The following CDR2 variants were observed in gnomAD, a reference collection of about 807,000 sequenced individuals.
CDR2 encodes cerebellar degeneration-related protein 2.
Under a neutral mutation model 48.4 loss-of-function variants are expected in CDR2, and 34 were observed. The observed-to-expected ratio is 0.70, with a 90% CI of 0.53 to 0.94. The LOEUF (loss-of-function observed/expected upper bound fraction) is 0.94, where lower values mean the gene tolerates loss of function less well. CDR2 is among the 40% of genes least tolerant of loss of function. The pLI is 0.00. For missense variants in CDR2, 498 were observed against 549.5 expected, an observed-to-expected ratio of 0.91 and a Z score of 0.94; for synonymous variants, 240 against 219.7, an observed-to-expected ratio of 1.09 and a Z score of -0.82.
intron 1 of CDR2, among the ~76,000 whole-genome samples, chr16:22,367,991 C>A (rs2049053804): frequency 6.6e-6 from 1 of 151,994 alleles, no homozygotes; most frequent in Admixed American, 6.6e-5. Context: ...GGAGGGTGAA[C>A]CAGATGGACT....
In CDR2 at chr16:22,364,987, T is replaced by C; in HGVS notation, c.107A>G (p.Lys36Arg). ...QDLQLAAELG[K>R]TLLDRNTELE... is the part of the protein sequence containing the mutation. ...CTCTGTGTTCCGATCCAGTAATGTCTTCCCAAGCTCAGCAGCAAGTTGAAG... is the reference window on the plus strand; with the variant it reads ...CTCTGTGTTCCGATCCAGTAATGTCCTCCCAAGCTCAGCAGCAAGTTGAAG... The change falls in exon 2 of 5, where the codon AAG becomes AGG. Residue 36 changes from lysine to arginine, a missense_variant. Coordinates refer to ENST00000268383, the MANE Select transcript of CDR2 (RefSeq NM_001802.2). The C allele has an allele frequency of 6.2e-7, 1 of 1,612,972 alleles. No individual in the cohort carries two copies. The highest frequency in any genetic ancestry group is 1.1e-5 in the South Asian group (1 of 91,066).
intron 2 of CDR2, among the ~76,000 whole-genome samples, chr16:22,358,747 G>C (rs772529536): frequency 2.6e-5 from 4 of 152,122 alleles, no homozygotes; most frequent in Admixed American, 2.6e-4. Context: ...TTCCCCTGAT[G>C]AAATATATTT....
At position 22,373,853 on chromosome 16, in the gene CDR2, G is replaced by T. The variant is rs375540018; in HGVS notation, c.79+378C>A. On this transcript the variant is annotated intron_variant, in intron 1 of 4. Transcript: ENST00000268383. ...GCCATGAAAGGCGCTGGGCTAGACA[G>T]CCTGCGACGGGGCGGCTTCTCGGGC... Among the ~76,000 whole-genome samples the T allele has an allele frequency of 9.5e-4, 145 of 152,370 alleles. 2 individuals carry two copies. In the South Asian group the frequency reaches 0.029, roughly 30 times the overall value.
At chr16:22,366,716 CAAGAGTTTGGCCTTTACTCCAAATG>C (rs1318317246) in intron 1 of CDR2, among the ~76,000 whole-genome samples, 18 of 152,062 alleles carry the variant, frequency 1.2e-4, no homozygotes, top group Admixed American at 2.6e-4. Flanking sequence ...CTAAAGAGGT[CAAGAGTTTGGCCTTTACTCCAAATG>C]AAGGAATCCA....
intron 4 of CDR2, among the ~76,000 whole-genome samples, chr16:22,348,972 G>C (rs1448435641): frequency 6.6e-6 from 1 of 152,082 alleles, no homozygotes; most frequent in Non-Finnish European, 1.5e-5. Context: ...TGTTTTACCA[G>C]TATTTCTGTT....
At chr16:22,350,760 T>G (rs2048936673) in intron 2 of CDR2, among the ~76,000 whole-genome samples, 2 of 152,144 alleles carry the variant, frequency 1.3e-5, no homozygotes, top group Non-Finnish European at 2.9e-5. Flanking sequence ...AAAATTAATA[T>G]TCAACTAAAA....
chr16:22,347,461 AG>A lies in CDR2; in HGVS notation c.868del (p.Leu290CysfsTer7). The A allele has an allele frequency of 6.2e-7, 1 of 1,614,070 alleles. No homozygotes were observed. The highest frequency in any genetic ancestry group is 8.5e-7 in the Non-Finnish European group (1 of 1,179,982). ...CACAGTCAGGAACATCTCTTCCAGC[AG>A]GCTCTGGCTGGGCTCTTTGAAAGGA... ...YVPFKEPSQS[L>X]LEEMFLTVPE... On this transcript the variant is annotated frameshift_variant, in exon 5 of 5. Transcript: ENST00000268383. LOFTEE classifies it high-confidence loss of function.
At chr16:22,359,076 A>G (rs2048994879) in intron 2 of CDR2, among the ~76,000 whole-genome samples, 1 of 152,160 alleles carries the variant, frequency 6.6e-6, no homozygotes, top group South Asian at 2.1e-4. Flanking sequence ...CCCCAGATAT[A>G]TGTAAAGCTG....
At chr16:22,351,520 T>C (rs2048941946) in intron 2 of CDR2, among the ~76,000 whole-genome samples, 1 of 152,018 alleles carries the variant, frequency 6.6e-6, no homozygotes, top group African/African-American at 2.4e-5. Context: ...AGGATCTTAA[T>C]TTGGAAAAAA....
chr16:22,361,584 C>A (rs896233372), intron 2 of CDR2, among the ~76,000 whole-genome samples: 1 of 152,224 alleles, frequency 6.6e-6, no homozygotes, highest in African/African-American at 2.4e-5. Context: ...CTGTGGGAAT[C>A]CCCTGGCTGG....
chr16:22,368,896 G>GT (rs2049059328), intron 1 of CDR2: 1 of 152,156 alleles, frequency 6.6e-6, no homozygotes, highest in Admixed American at 6.5e-5. Context: ...CCCCAGGCAA[G>GT]TTAATACCCT....
At position 22,374,441 on chromosome 16, in the gene CDR2, G is replaced by A. The variant is rs1338975319; in HGVS notation, c.-132C>T. On this transcript the variant is annotated 5_prime_UTR_variant, in exon 1 of 5. Coordinates refer to ENST00000268383, the MANE Select transcript of CDR2 (RefSeq NM_001802.2). Reference sequence around the variant, plus strand: ...CGGGACGCGCCGCCGCCCAGACTCCGCTGCGCCGCCTCAGCCCCGTTCCCG... The same window carrying A: ...CGGGACGCGCCGCCGCCCAGACTCCACTGCGCCGCCTCAGCCCCGTTCCCG... 2.9e-5 allele frequency: 11 copies of A among 383,698 alleles called. No individual in the cohort carries two copies. Among genetic ancestry groups the A allele is most frequent in the Admixed American group, 5.1e-5 (1 of 19,718 alleles). The allele number at this position is 383,698 out of a possible 1,614,324, so 23.8% of individuals were successfully genotyped here.
At position 22,347,418 on chromosome 16, in the gene CDR2, C is replaced by A. The variant is rs768672717; in HGVS notation, c.912G>T (p.Lys304Asn). Reference protein sequence around the residue: ...MFLTVPESHRKPLKRSSSETI... With the variant: ...MFLTVPESHRNPLKRSSSETI... ...TCTCACTGCTGCTGCGCTTGAGAGG[C>A]TTTCTATGTGATTCCGGCACAGTCA... is the stretch of plus-strand genomic sequence containing the variant. The change falls in exon 5 of 5, where the codon AAG becomes AAT. Residue 304 changes from lysine (K) to asparagine (N), a missense_variant. Physicochemically the swap from Lys to Asn is moderately conservative, Grantham distance 94 (BLOSUM62 0). Coordinates refer to ENST00000268383, the MANE Select transcript of CDR2 (RefSeq NM_001802.2). 3 of 1,614,114 alleles carry A rather than the reference C, an allele frequency of 1.9e-6. No individual in the cohort carries two copies. The highest frequency in any genetic ancestry group is 2.5e-6 in the Non-Finnish European group (3 of 1,179,982).
Position 22,364,900 on chromosome 16 carries a change from A to G in CDR2, c.192+2T>C. On this transcript the variant is annotated splice_donor_variant, in intron 2 of 4. Coordinates refer to ENST00000268383, the MANE Select transcript of CDR2 (RefSeq NM_001802.2). LOFTEE classifies it high-confidence loss of function. ...GTGTAACTCTCCTGCCAAGTGAATT[A>G]CCTCAATTTCCTGTAACTGCTCCTG... 1 of 1,559,726 alleles carries G rather than the reference A, an allele frequency of 6.4e-7. No individual in the cohort carries two copies. The highest frequency in any genetic ancestry group is 8.8e-7 in the Non-Finnish European group (1 of 1,130,700).
chr16:22,349,879 C>T (rs775690318), intron 2 of CDR2, 30 bp from the exon 3 acceptor site: 19 of 1,610,820 alleles, frequency 1.2e-5, no homozygotes, highest in African/African-American at 5.3e-5. Context: ...CCAGGTGACA[C>T]AAACAGATAA....
chr16:22,346,975 G>C lies in CDR2; in HGVS notation c.1355C>G (p.Ser452Cys). ...EQRTKYRSLS[S>C]HS ...GAGCTAGAGGTTCAATTAAGAATGAGAGGAGAGTGATCGGTATTTTGTTCT... is the reference window on the plus strand; with the variant it reads ...GAGCTAGAGGTTCAATTAAGAATGACAGGAGAGTGATCGGTATTTTGTTCT... The change falls in exon 5 of 5, where the codon TCT (serine) becomes TGT (cysteine). Residue 452 changes from serine to cysteine, a missense_variant. By Grantham distance (112) the Ser-to-Cys change is moderately radical. Coordinates refer to ENST00000268383, the MANE Select transcript of CDR2 (RefSeq NM_001802.2). 1.2e-6 allele frequency: 2 copies of C among 1,609,748 alleles called. No individual in the cohort carries two copies. Among genetic ancestry groups the C allele is most frequent in the Non-Finnish European group, 1.7e-6 (2 of 1,176,222 alleles).
chr16:22,360,564 T>C (rs2049004053), intron 2 of CDR2, among the ~76,000 whole-genome samples: 1 of 152,018 alleles, frequency 6.6e-6, no homozygotes, highest in African/African-American at 2.4e-5. Context: ...AGTCAGAATC[T>C]TAGGGATCTT....
rs1197384203 is a variant in CDR2 at position 22,348,128 on chromosome 16, G to A, written c.507-305C>T. 3.3e-5 allele frequency among the ~76,000 whole-genome samples: 5 copies of A among 152,022 alleles called. No individual in the cohort carries two copies. The East Asian group carries it at 9.7e-4, about 29-fold the overall frequency. On this transcript the variant is annotated intron_variant, in intron 4 of 4. Coordinates refer to ENST00000268383, the MANE Select transcript of CDR2 (RefSeq NM_001802.2). The stretch of plus-strand genomic sequence containing the variant: ...AATTTTGTATTTTTAGTAGAGACGG[G>A]GTTTCTCCATGTTGGTCAGGCTGGT...
intron 2 of CDR2, among the ~76,000 whole-genome samples, chr16:22,356,399 C>G (rs758290544): frequency 6.6e-6 from 1 of 152,210 alleles, no homozygotes; most frequent in Non-Finnish European, 1.5e-5. Flanking sequence ...GGGCAGATCA[C>G]TTGAGGTCAG....
Sources: gnomAD v4.1 joint callset for allele counts (sites outside exome capture counted in the v4.1 genomes callset) on GRCh38, gnomAD v4.1.1 for gene constraint, MANE v1.5 for transcripts, NCBI Gene and HGNC (gene_info 2026-07-23, HGNC 2026-07-21) for gene names.